Variants in MEGF9 observed in about 807,000 individuals in gnomAD.
MEGF9 encodes multiple EGF like domains 9, also known as multiple epidermal growth factor-like domains protein 9.
In MEGF9, 6 loss-of-function variants were observed where a neutral mutation model predicts 46.8. The ratio of observed to expected loss-of-function variants is 0.13; its 90% CI spans 0.07 to 0.25. MEGF9 has a LOEUF of 0.25. Among genes scored for constraint, MEGF9 ranks in the 10% least tolerant of loss-of-function variants. The pLI, the probability that MEGF9 is intolerant of heterozygous loss-of-function variation, is 1.00. For synonymous variants in MEGF9, 302 were observed against 330.7 expected (o/e 0.91, Z 0.94); for missense variants, 683 against 792.4 (o/e 0.86, Z 1.66).
intron 2 of MEGF9, among the ~76,000 whole-genome samples, chr9:120,635,944 C>CT (rs2043572325): frequency 6.6e-6 from 1 of 151,790 alleles, no homozygotes; most frequent in Admixed American, 6.6e-5. Context: ...TCATCTCTTC[C>CT]TTTTTTTTGA....
intron 1 of MEGF9, among the ~76,000 whole-genome samples, chr9:120,711,871 A>ACACACACACACACACACACC (rs145059704): frequency 5.5e-4 from 82 of 150,194 alleles, no homozygotes; most frequent in African/African-American, 2.0e-3. Context: ...ACACACACAC[A>ACACACACACACACACACACC]CCCACAGGCC....
rs529472985 is a variant in MEGF9 at position 120,604,960 on chromosome 9, C to T, written c.*230G>A. 4 of 543,742 alleles carry T rather than the reference C, an allele frequency of 7.4e-6. No homozygotes were observed. The East Asian group carries it at 1.2e-4, about 17-fold the overall frequency. 33.7% of individuals were successfully genotyped at this position (543,742 alleles called of 1,614,324 possible). ...TTCCATACTCCCATGTGGTTTGGTA[C>T]AAAAATATACTTTACTTCAAGTCCT... is the stretch of plus-strand genomic sequence containing the variant. On this transcript the variant is annotated 3_prime_UTR_variant, in exon 6 of 6. Coordinates refer to ENST00000373930, the MANE Select transcript of MEGF9 (RefSeq NM_001080497.3).
chr9:120,621,922 A>G (rs564734540), intron 3 of MEGF9, among the ~76,000 whole-genome samples: 8 of 152,292 alleles, frequency 5.3e-5, no homozygotes, highest in Admixed American at 5.2e-4. Context: ...GTGTCTCCTT[A>G]GCCCTAAAAG....
intron 1 of MEGF9, among the ~76,000 whole-genome samples, chr9:120,675,969 C>T (rs544219299): frequency 6.6e-6 from 1 of 150,394 alleles, no homozygotes; most frequent in South Asian, 2.1e-4. Flanking sequence ...TTATAATGTG[C>T]TTCACTAATG....
At chr9:120,624,291 GATTT>G (rs1485840628) in intron 2 of MEGF9, among the ~76,000 whole-genome samples, 6 of 152,140 alleles carry the variant, frequency 3.9e-5, no homozygotes, top group Admixed American at 1.3e-4. Flanking sequence ...GCAGTGGCGT[GATTT>G]CGGCTCACTG....
intron 2 of MEGF9, 103 bp downstream of exon 2, chr9:120,659,271 C>A: frequency 1.3e-6 from 1 of 779,962 alleles, no homozygotes; most frequent in South Asian, 2.1e-5. Context: ...ATCTATGACC[C>A]TCATCCCCCT....
chr9:120,651,044 C>A (rs1436431602), intron 2 of MEGF9, among the ~76,000 whole-genome samples: 1 of 152,084 alleles, frequency 6.6e-6, no homozygotes, highest in Non-Finnish European at 1.5e-5. Flanking sequence ...TTATAAATTT[C>A]TTGACAAGAG....
intron 2 of MEGF9, among the ~76,000 whole-genome samples, chr9:120,653,684 T>A (rs1023103801): frequency 6.6e-6 from 1 of 152,218 alleles, no homozygotes; most frequent in African/African-American, 2.4e-5. Flanking sequence ...TATTTTTTAA[T>A]AATATTTTTT....
At chr9:120,664,893 G>A (rs2043718191) in intron 1 of MEGF9, among the ~76,000 whole-genome samples, 2 of 152,128 alleles carry the variant, frequency 1.3e-5, no homozygotes, top group Non-Finnish European at 2.9e-5. Flanking sequence ...GTTAGTTGAT[G>A]CACAATAATA....
chr9:120,674,857 A>G (rs1397859036), intron 1 of MEGF9, among the ~76,000 whole-genome samples: 2 of 147,852 alleles, frequency 1.4e-5, no homozygotes, highest in African/African-American at 5.0e-5. Flanking sequence ...GGTGTGAGCT[A>G]CCACATCAGG....
intron 1 of MEGF9, among the ~76,000 whole-genome samples, chr9:120,678,024 C>T (rs923748047): frequency 6.6e-6 from 1 of 152,150 alleles, no homozygotes; most frequent in Non-Finnish European, 1.5e-5. Context: ...TAAGTGAGAA[C>T]ATGCAATATT....
intron 1 of MEGF9, among the ~76,000 whole-genome samples, chr9:120,695,037 A>T (rs1468323810): frequency 1.4e-5 from 2 of 138,366 alleles, no homozygotes; most frequent in African/African-American, 2.6e-5. Flanking sequence ...ATAGTGGTTT[A>T]AAAAAAAAAA....
intron 1 of MEGF9, among the ~76,000 whole-genome samples, chr9:120,710,255 A>G (rs2132347906): frequency 6.6e-6 from 1 of 151,194 alleles, no homozygotes; most frequent in East Asian, 2.0e-4. Flanking sequence ...ATGGAGAAAC[A>G]CTGTCTTTAC....
chr9:120,645,764 AT>A (rs2043623497), intron 2 of MEGF9, among the ~76,000 whole-genome samples: 1 of 152,208 alleles, frequency 6.6e-6, no homozygotes, highest in Admixed American at 6.5e-5. Context: ...AGGCCTCCTT[AT>A]AAAGATTAAC....
intron 1 of MEGF9, among the ~76,000 whole-genome samples, chr9:120,666,355 T>C (rs1391638397): frequency 1.3e-5 from 2 of 152,174 alleles, no homozygotes; most frequent in Non-Finnish European, 2.9e-5. Flanking sequence ...CAAAAGTAGA[T>C]GGAAATAGTT....
At chr9:120,685,045 A>G (rs1460276101) in intron 1 of MEGF9, among the ~76,000 whole-genome samples, 1 of 152,190 alleles carries the variant, frequency 6.6e-6, no homozygotes, top group African/African-American at 2.4e-5. Flanking sequence ...CGTGTTAGCC[A>G]GGATGGTCTC....
chr9:120,682,985 T>C (rs1405838398), intron 1 of MEGF9, among the ~76,000 whole-genome samples: 1 of 152,180 alleles, frequency 6.6e-6, no homozygotes, highest in Non-Finnish European at 1.5e-5. Context: ...ATGGGGCATA[T>C]GGAGAAGAGT....
At chr9:120,699,210 T>C (rs1459487631) in intron 1 of MEGF9, among the ~76,000 whole-genome samples, 1 of 152,204 alleles carries the variant, frequency 6.6e-6, no homozygotes, top group Non-Finnish European at 1.5e-5. Flanking sequence ...CTTATATTGG[T>C]CTTCAGAAGA....
intron 2 of MEGF9, among the ~76,000 whole-genome samples, chr9:120,649,834 A>G (rs2043641947): frequency 6.6e-6 from 1 of 152,130 alleles, no homozygotes; most frequent in Non-Finnish European, 1.5e-5. Context: ...CCAAGAACCT[A>G]CGATGATGAG....
Sources: gnomAD v4.1 joint callset for allele counts (sites outside exome capture counted in the v4.1 genomes callset) on GRCh38, gnomAD v4.1.1 for gene constraint, MANE v1.5 for transcripts, NCBI Gene and HGNC (gene_info 2026-07-23, HGNC 2026-07-21) for gene names.